Variants in FHIT observed in about 807,000 individuals in gnomAD.
FHIT encodes bis(5'-adenosyl)-triphosphatase.
Under a neutral mutation model 17.9 loss-of-function variants are expected in FHIT, and 19 were observed. The observed-to-expected ratio is 1.06, with a 90% CI of 0.74 to 1.56. The LOEUF is 1.56. FHIT is among the 40% of genes most tolerant of loss of function. The probability of loss-of-function intolerance (pLI) is 0.00; values close to 1 mark genes in which losing one functional copy is unlikely to be tolerated. For synonymous variants in FHIT, 81 were observed against 69.7 expected (o/e 1.16, Z -0.81); for missense variants, 248 against 189.2 (o/e 1.31, Z -1.82).
chr3:61,163,208 C>T (rs1484618173), intron 2 of FHIT, among the ~76,000 whole-genome samples: 2 of 152,114 alleles, frequency 1.3e-5, no homozygotes, highest in East Asian at 3.9e-4. Flanking sequence ...ACAATTATAG[C>T]CTCCATAAAC....
chr3:60,043,977 T>G (rs1001076727), intron 5 of FHIT, among the ~76,000 whole-genome samples: 3 of 152,222 alleles, frequency 2.0e-5, no homozygotes, highest in African/African-American at 7.2e-5. Flanking sequence ...TTTGAACATC[T>G]ACTCGACCCT....
chr3:60,873,877 A>G (rs1419637667), intron 3 of FHIT, among the ~76,000 whole-genome samples: 1 of 152,192 alleles, frequency 6.6e-6, no homozygotes, highest in Non-Finnish European at 1.5e-5. Context: ...GTGCAACAGC[A>G]AGGTAAACAG....
At chr3:60,870,051 T>C (rs1341102319) in intron 3 of FHIT, among the ~76,000 whole-genome samples, 1 of 152,190 alleles carries the variant, frequency 6.6e-6, no homozygotes, top group Non-Finnish European at 1.5e-5. Context: ...TCCACCATAG[T>C]GCACAACACA....
chr3:60,605,129 G>T (rs1241384922), intron 4 of FHIT, among the ~76,000 whole-genome samples: 2 of 152,084 alleles, frequency 1.3e-5, no homozygotes, highest in Admixed American at 6.6e-5. Context: ...GAGAGAGAGA[G>T]ATGCAGTTGA....
chr3:60,098,432 A>C (rs1054975754), intron 5 of FHIT, among the ~76,000 whole-genome samples: 2 of 151,274 alleles, frequency 1.3e-5, no homozygotes, highest in Non-Finnish European at 1.5e-5. Context: ...ATGGTATCTC[A>C]TTGTGGTTTT....
At chr3:60,426,785 T>C (rs1037229863) in intron 5 of FHIT, among the ~76,000 whole-genome samples, 1 of 152,152 alleles carries the variant, frequency 6.6e-6, no homozygotes, top group East Asian at 1.9e-4. Flanking sequence ...CTACATCTCT[T>C]GGCATGCAGT....
chr3:60,801,109 C>T (rs1002917553), intron 4 of FHIT, among the ~76,000 whole-genome samples: 14 of 152,194 alleles, frequency 9.2e-5, no homozygotes, highest in East Asian at 5.8e-4. Context: ...TGGAATCTTC[C>T]GAGAAAACTT....
chr3:60,487,647 C>T (rs2033898207), intron 5 of FHIT, among the ~76,000 whole-genome samples: 1 of 152,178 alleles, frequency 6.6e-6, no homozygotes, highest in South Asian at 2.1e-4. Context: ...GAGCTTCCTG[C>T]AGTGCCTGAC....
At chr3:61,016,373 A>C (rs1333736734) in intron 3 of FHIT, among the ~76,000 whole-genome samples, 1 of 152,248 alleles carries the variant, frequency 6.6e-6, no homozygotes, top group African/African-American at 2.4e-5. Flanking sequence ...CGTTGTCAAA[A>C]CAGTAAAATA....
chr3:59,990,695 C>T (rs891803660), intron 7 of FHIT, among the ~76,000 whole-genome samples: 2 of 151,978 alleles, frequency 1.3e-5, no homozygotes, highest in African/African-American at 4.8e-5. Context: ...GAGCAAAGAA[C>T]TAGGTTGGTG....
At chr3:60,382,359 T>A (rs114372580) in intron 5 of FHIT, among the ~76,000 whole-genome samples, 1 of 152,234 alleles carries the variant, frequency 6.6e-6, no homozygotes, top group African/African-American at 2.4e-5. Flanking sequence ...ATTACACGTG[T>A]CTTTCCACGT....
chr3:60,367,458 T>C (rs1379982751), intron 5 of FHIT, among the ~76,000 whole-genome samples: 1 of 152,262 alleles, frequency 6.6e-6, no homozygotes, highest in South Asian at 2.1e-4. Context: ...TCTAAAGATG[T>C]TGGAAAGTCT....
At chr3:61,186,365 C>G (rs1219053151) in intron 2 of FHIT, among the ~76,000 whole-genome samples, 1 of 152,214 alleles carries the variant, frequency 6.6e-6, no homozygotes, top group Non-Finnish European at 1.5e-5. Context: ...GTGCCCTGGG[C>G]CACAGGTGAC....
chr3:60,537,564 G>A (rs1311969459), intron 4 of FHIT: 36 of 567,054 alleles, frequency 6.3e-5, no homozygotes, highest in Non-Finnish European at 8.0e-5. Flanking sequence ...GGAGCAAAAC[G>A]GAGTTCAAAA....
At chr3:60,935,127 C>CA (rs1708133034) in intron 3 of FHIT, among the ~76,000 whole-genome samples, 1 of 151,948 alleles carries the variant, frequency 6.6e-6, no homozygotes, top group Admixed American at 6.6e-5. Flanking sequence ...AGAAAATTTA[C>CA]AAAAAAATCT....
At chr3:60,403,437 G>T (rs1701736866) in intron 5 of FHIT, among the ~76,000 whole-genome samples, 1 of 151,992 alleles carries the variant, frequency 6.6e-6, no homozygotes, top group Non-Finnish European at 1.5e-5. Flanking sequence ...CAAAATGAAG[G>T]CCTCAGAAAC....
intron 5 of FHIT, among the ~76,000 whole-genome samples, chr3:60,338,629 G>A (rs1299713255): frequency 6.6e-6 from 1 of 152,170 alleles, no homozygotes; most frequent in Non-Finnish European, 1.5e-5. Flanking sequence ...ATAAAGACTT[G>A]CAGTTACTAG....
chr3:60,520,932 G>A (rs564801318), intron 5 of FHIT, among the ~76,000 whole-genome samples: 8 of 152,010 alleles, frequency 5.3e-5, no homozygotes, highest in Admixed American at 3.9e-4. Context: ...GTTTGGTTGG[G>A]TTTGATTTTT....
In FHIT at chr3:60,181,521, T is replaced by C. The variant is rs143499866; in HGVS notation, c.104-167369A>G. On this transcript the variant is annotated intron_variant, in intron 5 of 9. Transcript: ENST00000492590. ...AAGGTAAAGGAATTTCCCAAGGATA[T>C]ATAGCTATAGGCTAGGATTCATGGC... is the stretch of plus-strand genomic sequence containing the variant. 5.3e-3 allele frequency among the ~76,000 whole-genome samples: 805 copies of C among 152,272 alleles called. 7 individuals carry two copies. The highest frequency in any genetic ancestry group is 0.019 in the African/African-American group (769 of 41,564).
Sources: gnomAD v4.1 joint callset for allele counts (sites outside exome capture counted in the v4.1 genomes callset) on GRCh38, gnomAD v4.1.1 for gene constraint, MANE v1.5 for transcripts, NCBI Gene and HGNC (gene_info 2026-07-23, HGNC 2026-07-21) for gene names.